The following RMST variants were observed in gnomAD, a reference collection of about 807,000 sequenced individuals.
RMST encodes rhabdomyosarcoma 2 associated transcript.
At chr12:97,560,130 GA>G (rs913003196) in intron 11 of RMST, among the ~76,000 whole-genome samples, 5 of 151,286 alleles carry the variant, frequency 3.3e-5, no homozygotes, top group Admixed American at 6.6e-5. Context: ...TAATTTTCCA[GA>G]AAAAAAAGTT....
intron 10 of RMST, among the ~76,000 whole-genome samples, chr12:97,504,036 A>G (rs1339998102): frequency 6.6e-6 from 1 of 152,114 alleles, no homozygotes; most frequent in East Asian, 1.9e-4. Context: ...AGCGATTCTC[A>G]GGCATGTGCC....
intron 5 of RMST, among the ~76,000 whole-genome samples, chr12:97,472,768 G>A (rs1182377093): frequency 6.6e-6 from 1 of 152,070 alleles, no homozygotes; most frequent in Non-Finnish European, 1.5e-5. Context: ...ATTCCAAATT[G>A]GGTAAAAGTT....
chr12:97,547,339 T>A (rs1009534235), intron 11 of RMST, among the ~76,000 whole-genome samples: 8 of 152,044 alleles, frequency 5.3e-5, no homozygotes, highest in African/African-American at 1.9e-4. Flanking sequence ...AATGCTACAA[T>A]GAACATGGGA....
intron 11 of RMST, among the ~76,000 whole-genome samples, chr12:97,542,109 T>C (rs932818668): frequency 1.3e-5 from 2 of 151,936 alleles, no homozygotes; most frequent in Admixed American, 6.6e-5. Context: ...GAAAGTGGGC[T>C]TGGAAGTCAG....
intron 10 of RMST, among the ~76,000 whole-genome samples, chr12:97,512,094 T>C (rs916245996): frequency 6.6e-6 from 1 of 152,114 alleles, no homozygotes; most frequent in Admixed American, 6.5e-5. Context: ...GGCGTTCGGA[T>C]GTGTTCAGAG....
At chr12:97,491,938 C>T (rs1555230556) in intron 5 of RMST, 2 of 534,106 alleles carry the variant, frequency 3.7e-6, no homozygotes, top group Non-Finnish European at 7.7e-6. Context: ...GGCGCTTCTC[C>T]TTCTGAACAG....
At chr12:97,515,446 A>C (rs575418829) in intron 10 of RMST, among the ~76,000 whole-genome samples, 1 of 152,274 alleles carries the variant, frequency 6.6e-6, no homozygotes, top group African/African-American at 2.4e-5. Context: ...GCATGGCTAA[A>C]GTACAGAATT....
At chr12:97,508,560 A>G (rs1168053090) in intron 10 of RMST, among the ~76,000 whole-genome samples, 1 of 152,226 alleles carries the variant, frequency 6.6e-6, no homozygotes, top group African/African-American at 2.4e-5. Context: ...GGAAGCTGAG[A>G]AGATGCAAGT....
chr12:97,550,032 C>A (rs1052010769), intron 11 of RMST, among the ~76,000 whole-genome samples: 5 of 152,130 alleles, frequency 3.3e-5, no homozygotes, highest in Non-Finnish European at 7.3e-5. Flanking sequence ...TAGTATCAAT[C>A]AAAAGTTTAA....
At chr12:97,481,986 T>A (rs1875350006) in intron 5 of RMST, among the ~76,000 whole-genome samples, 1 of 152,218 alleles carries the variant, frequency 6.6e-6, no homozygotes, top group African/African-American at 2.4e-5. Flanking sequence ...GTAAAGCCAT[T>A]CTATTTTTAA....
chr12:97,512,335 G>A (rs1225977275), intron 10 of RMST, among the ~76,000 whole-genome samples: 1 of 152,204 alleles, frequency 6.6e-6, no homozygotes, highest in East Asian at 1.9e-4. Context: ...TTATTGCAAA[G>A]AGAGAAAGAA....
chr12:97,502,949 G>A (rs568828391), intron 10 of RMST, among the ~76,000 whole-genome samples: 1 of 152,036 alleles, frequency 6.6e-6, no homozygotes, highest in Non-Finnish European at 1.5e-5. Context: ...CTATTTTCTT[G>A]GGAGTCTTGG....
intron 10 of RMST, among the ~76,000 whole-genome samples, chr12:97,515,035 G>A (rs1267149595): frequency 6.6e-6 from 1 of 152,082 alleles, no homozygotes; most frequent in Non-Finnish European, 1.5e-5. Context: ...GCTTACCTAA[G>A]CATACTGCGT....
At chr12:97,562,406 G>A (rs1884183161) in intron 13 of RMST, among the ~76,000 whole-genome samples, 1 of 152,106 alleles carries the variant, frequency 6.6e-6, no homozygotes, top group South Asian at 2.1e-4. Context: ...GAAAATGGTA[G>A]GGCTCTTGAA....
At chr12:97,520,649 C>T (rs1209751419) in intron 10 of RMST, among the ~76,000 whole-genome samples, 3 of 152,072 alleles carry the variant, frequency 2.0e-5, no homozygotes, top group African/African-American at 2.4e-5. Flanking sequence ...ATCCCCCAAA[C>T]GATTTTTAAT....
At chr12:97,528,678 A>G (rs1343397011) in intron 10 of RMST, among the ~76,000 whole-genome samples, 1 of 152,198 alleles carries the variant, frequency 6.6e-6, no homozygotes, top group East Asian at 1.9e-4. Context: ...TATGTCATTA[A>G]TATATGGGTA....
rs1278760611 is a variant in RMST at position 97,524,086 on chromosome 12, A to G, written n.1341-6569A>G. Among the ~76,000 whole-genome samples the G allele has an allele frequency of 2.2e-3, 312 of 143,858 alleles. 17 individuals carry two copies. The highest frequency in any genetic ancestry group is 6.2e-3 in the African/African-American group (233 of 37,790). The allele number at this position is 143,858 out of a possible 152,430, so 94.4% of individuals were successfully genotyped here. ...GTGAGACTCTGTCTCAAAAAAAAAA[A>G]AAAAAAAAAAAAAAAAATCACATAA... On this transcript the variant is annotated intron_variant and non_coding_transcript_variant, in intron 10 of 13. Transcript: ENST00000640149.
chr12:97,526,735 G>A (rs1423299289), intron 10 of RMST, among the ~76,000 whole-genome samples: 1 of 152,116 alleles, frequency 6.6e-6, no homozygotes, highest in Non-Finnish European at 1.5e-5. Context: ...TGTTATTACT[G>A]ATTTGAGTGA....
intron 11 of RMST, among the ~76,000 whole-genome samples, chr12:97,536,630 A>G (rs1882097612): frequency 6.6e-6 from 1 of 151,474 alleles, no homozygotes; most frequent in Non-Finnish European, 1.5e-5. Flanking sequence ...CATTAAGATA[A>G]AAGTAGGGAC....
Sources: allele counts gnomAD v4.1 joint callset (sites outside exome capture counted in the v4.1 genomes callset), GRCh38; gene constraint gnomAD v4.1.1; transcripts MANE v1.5; gene names NCBI Gene and HGNC (gene_info 2026-07-23, HGNC 2026-07-21).